Variants in CHRM3 observed in about 807,000 individuals in gnomAD.
CHRM3 encodes muscarinic acetylcholine receptor M3.
Under a neutral mutation model 41.8 loss-of-function variants are expected in CHRM3, and 11 were observed. That is an observed-to-expected ratio of 0.26 (90% CI 0.17 to 0.44). The LOEUF (loss-of-function observed/expected upper bound fraction) is 0.44. Among genes scored for constraint, CHRM3 ranks in the 20% least tolerant of loss-of-function variants. The pLI is 1.00. For missense variants in CHRM3, 571 were observed against 745.4 expected (o/e 0.77, Z 2.72); for synonymous variants, 297 against 301.4 (o/e 0.99, Z 0.15).
At chr1:239,500,638 A>C (rs182583336) in intron 2 of CHRM3, among the ~76,000 whole-genome samples, 1 of 152,196 alleles carries the variant, frequency 6.6e-6, no homozygotes, top group East Asian at 1.9e-4. Flanking sequence ...AAAGTAATTA[A>C]ATCCCGAAAA....
At chr1:239,529,198 T>C (rs1024373778) in intron 2 of CHRM3, among the ~76,000 whole-genome samples, 2 of 152,216 alleles carry the variant, frequency 1.3e-5, no homozygotes, top group Admixed American at 1.3e-4. Flanking sequence ...CATCACACCA[T>C]AGCACGTCTT....
Position 239,877,921 on chromosome 1 carries a change from C to T in CHRM3, c.-19-29512C>T, listed in dbSNP as rs150104066. Among the ~76,000 whole-genome samples the T allele has an allele frequency of 3.4e-3, 506 of 150,218 alleles. 7 individuals carry two copies. The highest frequency in any genetic ancestry group is 0.012 in the African/African-American group (473 of 40,840). On this transcript the variant is annotated intron_variant, in intron 6 of 6. Coordinates refer to ENST00000676153, the MANE Select transcript of CHRM3 (RefSeq NM_001375978.1). ...TTTTTTTTTTAATGAGACAGAGTCT[C>T]GCTCTATCGCCCAGGCTGGAGTGCA...
chr1:239,550,309 T>C (rs1039290023), intron 3 of CHRM3, among the ~76,000 whole-genome samples: 3 of 152,246 alleles, frequency 2.0e-5, no homozygotes, highest in African/African-American at 7.2e-5. Context: ...TCTTCTGTAC[T>C]GTGTGCATGC....
intron 6 of CHRM3, among the ~76,000 whole-genome samples, chr1:239,852,989 C>T (rs57805372): frequency 0.032 from 4,786 of 151,894 alleles, 259 homozygotes; most frequent in African/African-American, 0.11. Context: ...TTATACTTGG[C>T]GTTTGTTTTT....
At chr1:239,397,801 T>G (rs901521187) in intron 1 of CHRM3, among the ~76,000 whole-genome samples, 1 of 149,854 alleles carries the variant, frequency 6.7e-6, no homozygotes, top group Admixed American at 6.7e-5. Context: ...TACCAAAAAT[T>G]TTAGTGTATT....
At chr1:239,437,173 G>A (rs538256581) in intron 1 of CHRM3, among the ~76,000 whole-genome samples, 1 of 152,194 alleles carries the variant, frequency 6.6e-6, no homozygotes, top group South Asian at 2.1e-4. Flanking sequence ...TGCAGTGGCA[G>A]GATGATCACA....
At chr1:239,469,818 A>G (rs1167257274) in intron 1 of CHRM3, among the ~76,000 whole-genome samples, 2 of 152,050 alleles carry the variant, frequency 1.3e-5, no homozygotes, top group African/African-American at 4.8e-5. Context: ...TGGCCTCTCA[A>G]AGTGCTGGGA....
At position 239,816,732 on chromosome 1, in the gene CHRM3, CTT is replaced by C. The variant is rs11309320; in HGVS notation, c.-146-10504_-146-10503del. On this transcript the variant is annotated intron_variant, in intron 5 of 6. Transcript: ENST00000676153. ...ATATCCAGCCTGTCTGTGCCTCAGTCTTTTTTTTTTTTTTTTTGAGAGGGAGT... is the reference window on the plus strand; with the variant it reads ...ATATCCAGCCTGTCTGTGCCTCAGTCTTTTTTTTTTTTTTTGAGAGGGAGT... 3.9e-3 allele frequency among the ~76,000 whole-genome samples: 514 copies of C among 131,458 alleles called. 2 individuals carry two copies. The highest frequency in any genetic ancestry group is 4.8e-3 in the Non-Finnish European group (295 of 61,902). The allele number at this position is 131,458 out of a possible 152,430, so 86.2% of individuals were successfully genotyped here. A position where few individuals can be genotyped will look rare whatever the true frequency, so the allele number is the denominator to read the frequency against.
chr1:239,402,193 C>T (rs1660035910), intron 1 of CHRM3, among the ~76,000 whole-genome samples: 1 of 152,138 alleles, frequency 6.6e-6, no homozygotes, highest in African/African-American at 2.4e-5. Context: ...TTCCACTCTT[C>T]CTACTTTTCC....
chr1:239,617,412 C>G (rs1446606754), intron 3 of CHRM3, among the ~76,000 whole-genome samples: 1 of 152,108 alleles, frequency 6.6e-6, no homozygotes, highest in Non-Finnish European at 1.5e-5. Flanking sequence ...GTCCTGGTGA[C>G]TCTCTACAGT....
intron 6 of CHRM3, among the ~76,000 whole-genome samples, chr1:239,865,384 A>C (rs571403544): frequency 2.0e-5 from 3 of 152,244 alleles, no homozygotes; most frequent in Non-Finnish European, 4.4e-5. Flanking sequence ...TTTTATGTCT[A>C]GCTTTTGAAT....
intron 5 of CHRM3, among the ~76,000 whole-genome samples, chr1:239,779,567 C>G (rs1668359187): frequency 6.6e-6 from 1 of 152,168 alleles, no homozygotes; most frequent in South Asian, 2.1e-4. Flanking sequence ...AACCGCGTCT[C>G]TACTAAAAAT....
intron 2 of CHRM3, among the ~76,000 whole-genome samples, chr1:239,513,147 T>A (rs1045751174): frequency 2.6e-5 from 4 of 152,200 alleles, no homozygotes; most frequent in African/African-American, 9.6e-5. Flanking sequence ...ATATTTTAGA[T>A]GTTTTTATGG....
intron 6 of CHRM3, among the ~76,000 whole-genome samples, chr1:239,871,530 AC>A (rs927416742): frequency 6.6e-6 from 1 of 151,842 alleles, no homozygotes; most frequent in Admixed American, 6.6e-5. Context: ...ATGAGCCACC[AC>A]CCCTGGCTGC....
intron 5 of CHRM3, among the ~76,000 whole-genome samples, chr1:239,823,278 A>G (rs1416754404): frequency 6.6e-6 from 1 of 152,224 alleles, no homozygotes; most frequent in African/African-American, 2.4e-5. Context: ...AATCATATTC[A>G]ACTGGGAATA....
intron 5 of CHRM3, among the ~76,000 whole-genome samples, chr1:239,755,067 C>T (rs2148606831): frequency 6.6e-6 from 1 of 152,258 alleles, no homozygotes; most frequent in East Asian, 1.9e-4. Context: ...GAGGTAGAAT[C>T]CTTTTTAATT....
chr1:239,401,088 G>T (rs988185467), intron 1 of CHRM3, among the ~76,000 whole-genome samples: 2 of 152,084 alleles, frequency 1.3e-5, no homozygotes, highest in Admixed American at 1.3e-4. Context: ...GTTGATTCTG[G>T]GAGGGACTGA....
At chr1:239,550,016 G>C (rs1353186933) in intron 3 of CHRM3, among the ~76,000 whole-genome samples, 2 of 151,786 alleles carry the variant, frequency 1.3e-5, no homozygotes, top group Non-Finnish European at 2.9e-5. Flanking sequence ...CCTGCTCAAT[G>C]GTGACTGGAA....
At chr1:239,501,812 G>A (rs1572519743) in intron 2 of CHRM3, among the ~76,000 whole-genome samples, 1 of 152,060 alleles carries the variant, frequency 6.6e-6, no homozygotes, top group African/African-American at 2.4e-5. Flanking sequence ...CTGAGATCGC[G>A]CTGCTGCACT....
Sources: allele counts gnomAD v4.1 joint callset (sites outside exome capture counted in the v4.1 genomes callset), GRCh38; gene constraint gnomAD v4.1.1; transcripts MANE v1.5; gene names NCBI Gene and HGNC (gene_info 2026-07-23, HGNC 2026-07-21).